DOCK7: variants seen among roughly 807,000 people sequenced by gnomAD.
DOCK7 encodes the protein dedicator of cytokinesis 7, also known as dedicator of cytokinesis protein 7.
Under a neutral mutation model 271.0 loss-of-function variants are expected in DOCK7, and 138 were observed. The ratio of observed to expected loss-of-function variants is 0.51; its 90% CI spans 0.44 to 0.59. The LOEUF (loss-of-function observed/expected upper bound fraction) is 0.59, where lower values mean the gene tolerates loss of function less well. Among genes scored for constraint, DOCK7 ranks in the 20% least tolerant of loss-of-function variants. The probability of loss-of-function intolerance (pLI) is 0.00; values close to 1 mark genes in which losing one functional copy is unlikely to be tolerated. For synonymous variants in DOCK7, 823 were observed against 876.1 expected, an observed-to-expected ratio of 0.94 and a Z score of 1.07; for missense variants, 2,066 against 2,592.4, an observed-to-expected ratio of 0.80 and a Z score of 4.41.
In DOCK7 at chr1:62,618,707, T is replaced by G; in HGVS notation, c.1681A>C (p.Arg561=). 6.2e-7 allele frequency: 1 copy of G among 1,611,594 alleles called. No homozygotes were observed. Among genetic ancestry groups the G allele is most frequent in the Non-Finnish European group, 8.5e-7 (1 of 1,177,926 alleles). The change falls in exon 14 of 50, where the codon AGA becomes CGA. Residue 561 remains arginine, a splice_region_variant and synonymous_variant. Transcript: ENST00000635253. ...RDVYVPNTTY[R]NLLYIYPQSL... is the part of the protein sequence containing the mutation. Reference sequence around the variant, plus strand: ...ATTCTCCAAATTAAAATCTCTTACCTGTAAGTAGTGTTTGGAACATAAACA... The same window carrying G: ...ATTCTCCAAATTAAAATCTCTTACCGGTAAGTAGTGTTTGGAACATAAACA...
intron 14 of DOCK7, among the ~76,000 whole-genome samples, chr1:62,610,564 C>T (rs1651640531): frequency 6.6e-6 from 1 of 151,820 alleles, no homozygotes; most frequent in South Asian, 2.1e-4. Flanking sequence ...TTTGCTGCAC[C>T]CATCAACCCG....
intron 2 of DOCK7, among the ~76,000 whole-genome samples, chr1:62,656,781 A>AAG (rs1457208081): frequency 1.4e-5 from 2 of 145,214 alleles, no homozygotes; most frequent in Non-Finnish European, 3.0e-5. Flanking sequence ...ATACACCAAG[A>AAG]AGCCCTAGGG....
intron 13 of DOCK7, among the ~76,000 whole-genome samples, chr1:62,619,149 A>C (rs1432154561): frequency 2.0e-5 from 3 of 152,198 alleles, no homozygotes; most frequent in Non-Finnish European, 2.9e-5. Flanking sequence ...AGAAAAAAAA[A>C]CCAGAGGGAT....
chr1:62,590,753 T>C (rs1419942246), intron 14 of DOCK7, among the ~76,000 whole-genome samples: 2 of 152,114 alleles, frequency 1.3e-5, no homozygotes, highest in South Asian at 4.2e-4. Flanking sequence ...TCAACATCAC[T>C]GATCATGAGA....
intron 29 of DOCK7, chr1:62,530,682 G>C (rs1467407608): frequency 2.6e-5 from 4 of 155,502 alleles, no homozygotes; most frequent in Admixed American, 2.0e-4. Flanking sequence ...CATCCAGAAA[G>C]AGTCTGCCTG....
chr1:62,586,675 A>G (rs1375756009), intron 14 of DOCK7, 51 bp from the exon 15 acceptor site: 4 of 647,492 alleles, frequency 6.2e-6, no homozygotes, highest in African/African-American at 1.8e-5. Flanking sequence ...AAGAAACACT[A>G]TGTATCACTC....
chr1:62,625,530 G>T, intron 11 of DOCK7, 129 bp from the exon 12 acceptor site: 1 of 911,454 alleles, frequency 1.1e-6, no homozygotes. Context: ...TATAGTAGGA[G>T]AATTTTGCTT....
intron 11 of DOCK7, 59 bp from the exon 12 acceptor site, chr1:62,625,460 AGCTTTC>A: frequency 6.7e-7 from 1 of 1,502,924 alleles, no homozygotes; most frequent in Non-Finnish European, 9.1e-7. Flanking sequence ...GTTTTAAAGT[AGCTTTC>A]CAAACACAAG....
chr1:62,651,979 A>C (rs1657437740), intron 4 of DOCK7, among the ~76,000 whole-genome samples: 1 of 152,174 alleles, frequency 6.6e-6, no homozygotes, highest in African/African-American at 2.4e-5. Context: ...AAAGTCTGCC[A>C]GTACCTAGTC....
intron 48 of DOCK7, among the ~76,000 whole-genome samples, chr1:62,473,231 G>A (rs914484269): frequency 3.9e-5 from 6 of 151,996 alleles, no homozygotes; most frequent in African/African-American, 1.5e-4. Context: ...AGAAAATGCA[G>A]GATCATAGAA....
chr1:62,477,328 T>C (rs567328650), intron 44 of DOCK7, among the ~76,000 whole-genome samples: 6 of 152,290 alleles, frequency 3.9e-5, no homozygotes, highest in Admixed American at 2.6e-4. Context: ...GATAATATGC[T>C]TGGGTCAGAA....
Position 62,469,327 on chromosome 1 carries a change from A to G in DOCK7, c.6212+4655T>C, listed in dbSNP as rs183583153. On this transcript the variant is annotated intron_variant, in intron 48 of 49. Coordinates refer to ENST00000635253, the MANE Select transcript of DOCK7 (RefSeq NM_001367561.1). ...CAAAAACATAAAGTGAGGAAAGGAC[A>G]CCCTATTCAACAAATGATACTGGGA... Among the ~76,000 whole-genome samples, 10 of 152,308 alleles carry G rather than the reference A, an allele frequency of 6.6e-5. No individual in the cohort carries two copies. In the East Asian group the frequency reaches 1.5e-3, roughly 24 times the overall value.
chr1:62,461,673 AAAAT>A (rs1645531310), intron 48 of DOCK7, among the ~76,000 whole-genome samples: 4 of 143,744 alleles, frequency 2.8e-5, no homozygotes, highest in Non-Finnish European at 6.0e-5. Flanking sequence ...CCCATCTCAA[AAAAT>A]AAATAAAATA....
chr1:62,597,245 A>T (rs1195678500), intron 14 of DOCK7, among the ~76,000 whole-genome samples: 2 of 152,210 alleles, frequency 1.3e-5, no homozygotes. Flanking sequence ...TCTTAAAATC[A>T]TAAAAAAGTA....
At chr1:62,641,704 G>T in intron 7 of DOCK7, 1 of 340,400 alleles carries the variant, frequency 2.9e-6, no homozygotes, top group Non-Finnish European at 6.0e-6. Flanking sequence ...TCATGCACCA[G>T]GGCCTTCCCC....
intron 29 of DOCK7, among the ~76,000 whole-genome samples, chr1:62,533,048 G>A (rs973659793): frequency 2.0e-5 from 3 of 152,182 alleles, no homozygotes; most frequent in African/African-American, 4.8e-5. Flanking sequence ...TCACTGAGCT[G>A]ATGATATTAC....
chr1:62,542,891 G>C, intron 24 of DOCK7, among the ~76,000 whole-genome samples, 188 bp from the exon 25 acceptor site: 1 of 152,046 alleles, frequency 6.6e-6, no homozygotes, highest in South Asian at 2.1e-4. Flanking sequence ...AGTGGTATGT[G>C]GAACAGCTGA....
intron 12 of DOCK7, among the ~76,000 whole-genome samples, chr1:62,624,223 C>T (rs1049205833): frequency 1.8e-4 from 28 of 152,062 alleles, no homozygotes; most frequent in African/African-American, 5.8e-4. Flanking sequence ...CATGTGTACA[C>T]TCATACAAAA....
At chr1:62,606,301 C>T (rs918816932) in intron 14 of DOCK7, 1 of 150,256 alleles carries the variant, frequency 6.7e-6, no homozygotes, top group African/African-American at 2.5e-5. Context: ...GTTGCTTCCT[C>T]TATTTGGTTT....
Sources: gnomAD v4.1 joint callset for allele counts (sites outside exome capture counted in the v4.1 genomes callset) on GRCh38, gnomAD v4.1.1 for gene constraint, MANE v1.5 for transcripts, NCBI Gene and HGNC (gene_info 2026-07-23, HGNC 2026-07-21) for gene names.